The following ELP4 variants were observed in gnomAD, a reference collection of about 807,000 sequenced individuals.
ELP4 encodes the protein elongator complex protein 4.
Under a neutral mutation model 48.9 loss-of-function variants are expected in ELP4, and 51 were observed. The observed-to-expected ratio is 1.04, with a 90% CI of 0.83 to 1.32. The LOEUF is 1.32. Ranked by LOEUF, ELP4 falls within the 40% of genes most tolerant of loss-of-function variation. The pLI is 0.00. For missense variants in ELP4, 519 were observed against 514.6 expected, an observed-to-expected ratio of 1.01 and a Z score of -0.08; for synonymous variants, 210 against 189.2, an observed-to-expected ratio of 1.11 and a Z score of -0.90.
chr11:31,559,623 G>T (rs1956982637), intron 3 of ELP4, among the ~76,000 whole-genome samples: 1 of 152,110 alleles, frequency 6.6e-6, no homozygotes, highest in Non-Finnish European at 1.5e-5. Flanking sequence ...TCAGTTTTGG[G>T]CCGGGAGCGG....
Position 31,594,842 on chromosome 11 carries a change from C to G in ELP4, c.454C>G (p.Pro152Ala). The change falls in exon 4 of 10, where the codon CCA becomes GCA. Residue 152 changes from proline (P) to alanine (A), a missense_variant. Coordinates refer to ENST00000640961, the MANE Select transcript of ELP4 (RefSeq NM_019040.5). ...TGAAGATGTATACAATCATAAAACA[C>G]CAGAATCTAATATTAAGATGAAAAT... is the stretch of plus-strand genomic sequence containing the variant. ...FDEDVYNHKT[P>A]ESNIKMKIAW... is the part of the protein sequence containing the mutation. 6.4e-7 allele frequency: 1 copy of G among 1,566,960 alleles called. No homozygotes were observed. Among genetic ancestry groups the G allele is most frequent in the Non-Finnish European group, 8.6e-7 (1 of 1,162,214 alleles).
At chr11:31,782,390 T>TAG (rs979777458) in intron 9 of ELP4, among the ~76,000 whole-genome samples, 3 of 152,190 alleles carry the variant, frequency 2.0e-5, no homozygotes, top group African/African-American at 7.2e-5. Flanking sequence ...AGTTCTCCTC[T>TAG]AGAAGGCTGT....
chr11:31,554,001 G>A (rs1389515315), intron 3 of ELP4, among the ~76,000 whole-genome samples: 1 of 152,140 alleles, frequency 6.6e-6, no homozygotes, highest in Non-Finnish European at 1.5e-5. Flanking sequence ...TCTCATAGGA[G>A]CATGAACCCT....
intron 9 of ELP4, among the ~76,000 whole-genome samples, chr11:31,746,438 C>T (rs1363903592): frequency 3.3e-5 from 5 of 152,184 alleles, no homozygotes; most frequent in African/African-American, 4.8e-5. Flanking sequence ...CACATGCACA[C>T]GTGTGTTTAT....
At chr11:31,619,259 C>G (rs1051812116) in intron 5 of ELP4, among the ~76,000 whole-genome samples, 1 of 151,846 alleles carries the variant, frequency 6.6e-6, no homozygotes, top group South Asian at 2.1e-4. Flanking sequence ...GGCCCGTGCA[C>G]AGGTGGAGGT....
intron 9 of ELP4, among the ~76,000 whole-genome samples, chr11:31,730,251 A>G (rs897213379): frequency 2.6e-5 from 4 of 152,124 alleles, no homozygotes; most frequent in African/African-American, 9.7e-5. Context: ...ATTTCTCACA[A>G]TCTTGGTGGC....
At chr11:31,625,576 CCT>C (rs1554965592) in intron 5 of ELP4, among the ~76,000 whole-genome samples, 17 of 151,616 alleles carry the variant, frequency 1.1e-4, no homozygotes, top group Non-Finnish European at 8.8e-5. Flanking sequence ...TGCATGATCC[CCT>C]GTTATTATTA....
chr11:31,607,333 C>G (rs1957894586), intron 5 of ELP4, among the ~76,000 whole-genome samples: 1 of 152,166 alleles, frequency 6.6e-6, no homozygotes, highest in Non-Finnish European at 1.5e-5. Context: ...AAATATTGAA[C>G]TTTCTATCCT....
intron 5 of ELP4, among the ~76,000 whole-genome samples, chr11:31,616,595 C>G (rs1944489393): frequency 6.6e-6 from 1 of 151,978 alleles, no homozygotes; most frequent in Non-Finnish European, 1.5e-5. Flanking sequence ...CAAACTTAAA[C>G]TTTTGTGCAT....
chr11:31,691,967 C>G (rs571515805), intron 9 of ELP4, among the ~76,000 whole-genome samples: 1 of 152,272 alleles, frequency 6.6e-6, no homozygotes, highest in Admixed American at 6.5e-5. Context: ...TGGCCTCATT[C>G]AAACCAATAG....
intron 4 of ELP4, among the ~76,000 whole-genome samples, chr11:31,596,930 A>G (rs1265834604): frequency 6.6e-6 from 1 of 152,166 alleles, no homozygotes; most frequent in Non-Finnish European, 1.5e-5. Flanking sequence ...AGAGAAATTC[A>G]AATGAAAACT....
intron 9 of ELP4, among the ~76,000 whole-genome samples, chr11:31,706,261 T>A (rs1946628986): frequency 1.3e-5 from 2 of 152,040 alleles, no homozygotes; most frequent in South Asian, 4.1e-4. Context: ...GTGCTGGGAA[T>A]GTTTAATATC....
At chr11:31,554,275 A>T (rs1956896401) in intron 3 of ELP4, among the ~76,000 whole-genome samples, 1 of 152,208 alleles carries the variant, frequency 6.6e-6, no homozygotes, top group Non-Finnish European at 1.5e-5. Context: ...TGTCTTCCAT[A>T]AACCAGACCC....
intron 9 of ELP4, among the ~76,000 whole-genome samples, chr11:31,678,537 GTGTGTATA>G (rs1565108078): frequency 4.2e-5 from 3 of 71,030 alleles, no homozygotes; most frequent in African/African-American, 2.3e-4. Context: ...GTGTGTGTGT[GTGTGTATA>G]TGTGCATTTT....
At chr11:31,722,076 CTT>C (rs972300993) in intron 9 of ELP4, among the ~76,000 whole-genome samples, 1 of 152,104 alleles carries the variant, frequency 6.6e-6, no homozygotes, top group Non-Finnish European at 1.5e-5. Flanking sequence ...AAAATTGTAA[CTT>C]AATGGTACTT....
At chr11:31,559,757 G>A (rs1331142715) in intron 3 of ELP4, among the ~76,000 whole-genome samples, 1 of 151,974 alleles carries the variant, frequency 6.6e-6, no homozygotes, top group Non-Finnish European at 1.5e-5. Context: ...TATAAAATTA[G>A]CCAGGCATGG....
chr11:31,513,169 T>G (rs558531207), intron 1 of ELP4, among the ~76,000 whole-genome samples: 1 of 152,188 alleles, frequency 6.6e-6, no homozygotes, highest in Non-Finnish European at 1.5e-5. Flanking sequence ...GGTTATGATA[T>G]TTTACCAACC....
chr11:31,612,544 T>C (rs968946407), intron 5 of ELP4, among the ~76,000 whole-genome samples: 3 of 152,076 alleles, frequency 2.0e-5, no homozygotes, highest in African/African-American at 7.2e-5. Context: ...TTAAAAACAG[T>C]GAACAAAATG....
intron 9 of ELP4, among the ~76,000 whole-genome samples, chr11:31,703,984 A>G (rs1378144829): frequency 6.6e-6 from 1 of 152,218 alleles, no homozygotes; most frequent in Non-Finnish European, 1.5e-5. Flanking sequence ...AACTTAAGCT[A>G]CAGCACACTT....
Sources: allele counts gnomAD v4.1 joint callset (sites outside exome capture counted in the v4.1 genomes callset), GRCh38; gene constraint gnomAD v4.1.1; transcripts MANE v1.5; gene names NCBI Gene and HGNC (gene_info 2026-07-23, HGNC 2026-07-21).